Variants in CDKL4 observed in about 807,000 individuals in gnomAD.
CDKL4 encodes the protein cyclin dependent kinase like 4.
Under a neutral mutation model 42.0 loss-of-function variants are expected in CDKL4, and 44 were observed. That is an observed-to-expected ratio of 1.05 (90% CI 0.82 to 1.35). The LOEUF (loss-of-function observed/expected upper bound fraction) is 1.35. Ranked by LOEUF, CDKL4 falls within the 40% of genes most tolerant of loss-of-function variation. The pLI, the probability that CDKL4 is intolerant of heterozygous loss-of-function variation, is 0.00. For missense variants in CDKL4, 393 were observed against 369.9 expected (o/e 1.06, Z -0.51); for synonymous variants, 120 against 121.6 (o/e 0.99, Z 0.09).
intron 9 of CDKL4, among the ~76,000 whole-genome samples, chr2:39,177,304 C>T (rs1675205737): frequency 6.6e-6 from 1 of 151,986 alleles, no homozygotes; most frequent in Non-Finnish European, 1.5e-5. Flanking sequence ...AGGTCTGTGA[C>T]AGATTCCCAG....
chr2:39,182,062 G>A lies in CDKL4; in HGVS notation c.792+2529C>T, dbSNP rs150915595. Among the ~76,000 whole-genome samples, 652 of 152,192 alleles carry A rather than the reference G, an allele frequency of 4.3e-3. 3 individuals carry two copies. Among genetic ancestry groups the A allele is most frequent in the African/African-American group, 0.015 (623 of 41,522 alleles). On this transcript the variant is annotated intron_variant, in intron 8 of 9. Coordinates refer to ENST00000451199, the Ensembl canonical transcript of CDKL4. ...AGTGGCATAATCATGGCTCACTGCG[G>A]CCTTCAGCTCCTGGGCTCAAGCAAT...
chr2:39,179,349 A>T (rs770858878), intron 8 of CDKL4, 28 bp from the exon 9 acceptor site: 7 of 1,543,330 alleles, frequency 4.5e-6, no homozygotes, highest in Non-Finnish European at 6.1e-6. Context: ...AGCAAAGAAG[A>T]TGTTAAGGGA....
intron 5 of CDKL4, among the ~76,000 whole-genome samples, chr2:39,199,437 T>C (rs971190407): frequency 2.3e-4 from 35 of 152,052 alleles, no homozygotes; most frequent in African/African-American, 7.2e-4. Flanking sequence ...ACTAATCCTA[T>C]TGACACTATT....
intron 9 of CDKL4, among the ~76,000 whole-genome samples, chr2:39,176,564 G>C (rs957627649): frequency 3.3e-5 from 5 of 152,170 alleles, no homozygotes; most frequent in African/African-American, 1.2e-4. Flanking sequence ...CTCCCAAGTA[G>C]CTGAGATTAC....
At chr2:39,170,800 T>C (rs1353710445), downstream of CDKL4, among the ~76,000 whole-genome samples, 1 of 152,180 alleles carries the variant, frequency 6.6e-6, no homozygotes, top group East Asian at 1.9e-4. Context: ...TTTAAGATCA[T>C]TCCTCTTCTG....
At chr2:39,202,681 G>T (rs752100506) in intron 5 of CDKL4, among the ~76,000 whole-genome samples, 26 of 152,098 alleles carry the variant, frequency 1.7e-4, no homozygotes, top group Non-Finnish European at 3.1e-4. Context: ...TGTTTAAGTT[G>T]GTGATTCATT....
chr2:39,221,882 G>A (rs888621009), intron 3 of CDKL4, among the ~76,000 whole-genome samples: 1 of 152,286 alleles, frequency 6.6e-6, no homozygotes, highest in South Asian at 2.1e-4. Flanking sequence ...ACAGATGTTG[G>A]AGTTGCTTCT....
At chr2:39,232,463 C>G (rs957836066) in intron 1 of CDKL4, among the ~76,000 whole-genome samples, 2 of 152,208 alleles carry the variant, frequency 1.3e-5, no homozygotes, top group Non-Finnish European at 2.9e-5. Context: ...CATGAATGGA[C>G]AGAATCATCT....
intron 1 of CDKL4, among the ~76,000 whole-genome samples, chr2:39,237,586 T>G (rs1402119506): frequency 6.6e-6 from 1 of 152,226 alleles, no homozygotes; most frequent in Non-Finnish European, 1.5e-5. Context: ...TCAGGCACAG[T>G]GGCTCACACC....
chr2:39,246,948 T>G (rs771042062), upstream of CDKL4, among the ~76,000 whole-genome samples: 54 of 152,336 alleles, frequency 3.5e-4, no homozygotes, highest in Non-Finnish European at 4.4e-5. Flanking sequence ...ACTTGCTATG[T>G]AACTCAGGCT....
At chr2:39,215,122 A>T (rs1283619429) in intron 3 of CDKL4, among the ~76,000 whole-genome samples, 1 of 152,130 alleles carries the variant, frequency 6.6e-6, no homozygotes, top group Non-Finnish European at 1.5e-5. Context: ...CTGTGCATCA[A>T]AGTCCCTGTC....
intron 1 of CDKL4, among the ~76,000 whole-genome samples, chr2:39,238,681 A>C (rs1284742983): frequency 2.6e-5 from 4 of 152,216 alleles, no homozygotes; most frequent in Non-Finnish European, 5.9e-5. Context: ...ACATATATCA[A>C]TGAAACATAA....
chr2:39,191,110 G>T (rs1676153790), intron 5 of CDKL4, among the ~76,000 whole-genome samples: 1 of 152,080 alleles, frequency 6.6e-6, no homozygotes, highest in Non-Finnish European at 1.5e-5. Flanking sequence ...TCAGAAGCTG[G>T]GCTAGAGGCC....
In CDKL4 at chr2:39,188,560, C is replaced by CAA. The variant is rs34568815; in HGVS notation, c.653-853_653-852dup. Reference sequence around the variant, plus strand: ...CTGGCAACAGAGTGACAGTCCGTCTCAAAAAAAAAAAAAAAAAAAAAAAAA... The same window carrying CAA: ...CTGGCAACAGAGTGACAGTCCGTCTCAAAAAAAAAAAAAAAAAAAAAAAAAAA... On this transcript the variant is annotated intron_variant, in intron 6 of 9. Coordinates refer to ENST00000451199, the Ensembl canonical transcript of CDKL4. Among the ~76,000 whole-genome samples the CAA allele has an allele frequency of 1.8e-3, 82 of 45,264 alleles. 17 individuals are homozygous for CAA. The highest frequency in any genetic ancestry group is 6.7e-3 in the African/African-American group (54 of 8,040). The allele number at this position is 45,264 out of a possible 152,430, so 29.7% of individuals were successfully genotyped here.
At chr2:39,175,399 C>G (rs1675124303), downstream of CDKL4, among the ~76,000 whole-genome samples, 1 of 152,172 alleles carries the variant, frequency 6.6e-6, no homozygotes, top group Non-Finnish European at 1.5e-5. Flanking sequence ...TTTTCTCTAG[C>G]TAGCTTTAAA....
intron 5 of CDKL4, among the ~76,000 whole-genome samples, chr2:39,194,485 A>G (rs1026438210): frequency 2.0e-5 from 3 of 152,204 alleles, no homozygotes; most frequent in Non-Finnish European, 4.4e-5. Flanking sequence ...AAACAAACAC[A>G]CACACAAACA....
intron 4 of CDKL4, among the ~76,000 whole-genome samples, chr2:39,206,843 G>A (rs1350098007): frequency 6.6e-6 from 1 of 152,158 alleles, no homozygotes; most frequent in Non-Finnish European, 1.5e-5. Context: ...TATGCTGTCA[G>A]GCCCTTTAAG....
chr2:39,237,235 G>A (rs530430887), intron 1 of CDKL4, among the ~76,000 whole-genome samples: 50 of 152,274 alleles, frequency 3.3e-4, no homozygotes, highest in African/African-American at 1.2e-3. Context: ...TCTCAGGAAT[G>A]CAAAGTGGAT....
chr2:39,203,360 T>C lies in CDKL4; in HGVS notation c.454+1167A>G, dbSNP rs530336854. Among the ~76,000 whole-genome samples the C allele has an allele frequency of 5.9e-5, 9 of 152,350 alleles. No individual in the cohort carries two copies. The South Asian group carries it at 1.2e-3, about 21-fold the overall frequency. ...ACTTTTATATGAAATGCTGCTCTTA[T>C]GTTCTTAATGCTTGTAATGGCGTAT... On this transcript the variant is annotated intron_variant, in intron 5 of 9. Transcript: ENST00000451199.
Sources: gnomAD v4.1 joint callset for allele counts (sites outside exome capture counted in the v4.1 genomes callset) on GRCh38, gnomAD v4.1.1 for gene constraint, MANE v1.5 for transcripts, NCBI Gene and HGNC (gene_info 2026-07-23, HGNC 2026-07-21) for gene names.